The following FAM120A variants were observed in gnomAD, a reference collection of about 807,000 sequenced individuals.
FAM120A encodes the protein family with sequence similarity 120 member A.
FAM120A carries 15 observed loss-of-function variants against 109.7 expected under a neutral mutation model. The ratio of observed to expected loss-of-function variants is 0.14; its 90% CI spans 0.09 to 0.21. FAM120A has a LOEUF of 0.21. FAM120A is among the 10% of genes least tolerant of loss of function. The pLI, the probability that FAM120A is intolerant of heterozygous loss-of-function variation, is 1.00. For missense variants in FAM120A, 899 were observed against 1,439.3 expected (o/e 0.62, Z 6.07); for synonymous variants, 493 against 572.8 (o/e 0.86, Z 1.99).
intron 15 of FAM120A, 90 bp from the exon 16 acceptor site, chr9:93,561,019 A>G: frequency 6.9e-7 from 1 of 1,455,528 alleles, no homozygotes; most frequent in South Asian, 1.2e-5. Flanking sequence ...TATAAACCAA[A>G]ACTGAAAAGA....
Position 93,532,588 on chromosome 9 carries a change from A to G in FAM120A, c.1909+259A>G, listed in dbSNP as rs750416846. On this transcript the variant is annotated intron_variant, in intron 10 of 17. Coordinates refer to ENST00000277165, the MANE Select transcript of FAM120A (RefSeq NM_014612.5). The surrounding 1 kb of genome is among the most constrained non-coding windows in gnomAD (Gnocchi z 4.3). ...TAAAACAGGTTTACACTTTAAAGTG[A>G]ATGTTGATCTGAAAGCAGACTTGAA... 11 of 443,232 alleles carry G rather than the reference A, an allele frequency of 2.5e-5. No homozygotes were observed. Among genetic ancestry groups the G allele is most frequent in the Non-Finnish European group, 4.6e-5 (11 of 241,722 alleles). 27.5% of individuals were successfully genotyped at this position (443,232 alleles called of 1,614,324 possible).
rs1857214848 is a variant in FAM120A at position 93,451,692 on chromosome 9, T to A, written c.-224T>A. ...CTCAGCCTCGGCCTCGGCCTCGGCCTCGCAGCGGCGGCAGCGGCGGCGGCG... is the reference window on the plus strand; with the variant it reads ...CTCAGCCTCGGCCTCGGCCTCGGCCACGCAGCGGCGGCAGCGGCGGCGGCG... On this transcript the variant is annotated 5_prime_UTR_variant, in exon 1 of 18. Transcript: ENST00000277165. 1.0e-6 allele frequency: 1 copy of A among 966,812 alleles called. No homozygotes were observed. The highest frequency in any genetic ancestry group is 4.7e-5 in the South Asian group (1 of 21,262). 59.9% of individuals were successfully genotyped at this position (966,812 alleles called of 1,614,324 possible). A position where few individuals can be genotyped will look rare whatever the true frequency, so the allele number is the denominator to read the frequency against.
chr9:93,452,154 C>T lies in FAM120A; in HGVS notation c.239C>T (p.Ala80Val). ...QWNHMLGYLA[A>V]LAKACFGGNI... ...AACCACATGCTTGGCTACCTGGCGG[C>T]GCTGGCCAAGGCCTGCTTCGGCGGC... Residue 80 changes from alanine to valine, a missense_variant, in exon 1 of 18, where the codon GCG (alanine) becomes GTG (valine). By Grantham distance (64) the Ala-to-Val change is moderately conservative. Around this residue, in one of 11 missense-constraint regions of FAM120A, gnomAD observed 258 missense variants for 451.4 expected, o/e 0.57. Coordinates refer to ENST00000277165, the MANE Select transcript of FAM120A (RefSeq NM_014612.5). This position sits in a 1 kb window ranked among gnomAD's most constrained non-coding sequence, Gnocchi z 7.0. The T allele has an allele frequency of 6.2e-7, 1 of 1,611,888 alleles. No individual in the cohort carries two copies. The highest frequency in any genetic ancestry group is 1.1e-5 in the South Asian group (1 of 91,036).
intron 5 of FAM120A, among the ~76,000 whole-genome samples, chr9:93,504,703 A>T (rs1267758996): frequency 6.6e-6 from 1 of 152,150 alleles, no homozygotes; most frequent in Non-Finnish European, 1.5e-5. Flanking sequence ...TTGATGGAAA[A>T]TGGACTGTTT....
Position 93,452,518 on chromosome 9 carries a change from G to A in FAM120A, c.474+129G>A. 6.4e-7 allele frequency: 1 copy of A among 1,553,460 alleles called. No individual in the cohort carries two copies. The highest frequency in any genetic ancestry group is 8.7e-7 in the Non-Finnish European group (1 of 1,155,020). ...AGCGAGTTCCCCCAGCCCTTGCCCG[G>A]GATAGCCTGGCCGGGCCGGGCTGCA... On this transcript the variant is annotated intron_variant, in intron 1 of 17. Transcript: ENST00000277165. The surrounding 1 kb of genome is among the most constrained non-coding windows in gnomAD (Gnocchi z 7.0).
intron 4 of FAM120A, among the ~76,000 whole-genome samples, chr9:93,497,894 G>A (rs1008821722): frequency 2.0e-5 from 3 of 152,200 alleles, no homozygotes; most frequent in Admixed American, 6.5e-5. Context: ...ATAAGTTCTC[G>A]ATCTTAACTT....
At chr9:93,477,640 AT>A (rs1178384333) in intron 3 of FAM120A, among the ~76,000 whole-genome samples, 1 of 152,216 alleles carries the variant, frequency 6.6e-6, no homozygotes, top group Non-Finnish European at 1.5e-5. Context: ...GTTAAGCATT[AT>A]GCTTTTGTAA....
chr9:93,513,318 G>A (rs1469647684), intron 5 of FAM120A, among the ~76,000 whole-genome samples: 2 of 152,212 alleles, frequency 1.3e-5, no homozygotes, highest in African/African-American at 4.8e-5. Flanking sequence ...CCATGCGTGT[G>A]TGTGCGCCAT....
chr9:93,523,493 A>G (rs904723393), intron 7 of FAM120A: 4 of 341,892 alleles, frequency 1.2e-5, no homozygotes, highest in African/African-American at 6.6e-5. Context: ...CATTTCTAAT[A>G]TCTTCTCATA....
At chr9:93,485,430 T>C (rs1858999820) in intron 3 of FAM120A, among the ~76,000 whole-genome samples, 1 of 151,996 alleles carries the variant, frequency 6.6e-6, no homozygotes, top group Non-Finnish European at 1.5e-5. Flanking sequence ...ACCCTATCTC[T>C]ATAAAAAAAT....
At chr9:93,457,611 G>A (rs1428246923) in intron 1 of FAM120A, among the ~76,000 whole-genome samples, 4 of 152,098 alleles carry the variant, frequency 2.6e-5, no homozygotes, top group South Asian at 2.1e-4. Flanking sequence ...TAGGACCATA[G>A]AGTCAACATT....
intron 1 of FAM120A, among the ~76,000 whole-genome samples, chr9:93,455,852 G>A (rs1434252916): frequency 2.0e-5 from 3 of 152,026 alleles, no homozygotes; most frequent in South Asian, 2.1e-4. Context: ...TAGTAGAGGC[G>A]GGGTTTCACC....
chr9:93,548,345 C>G (rs1362622281), intron 11 of FAM120A, among the ~76,000 whole-genome samples: 1 of 152,056 alleles, frequency 6.6e-6, no homozygotes, highest in Non-Finnish European at 1.5e-5. Flanking sequence ...CTCCTGACCT[C>G]GTGATCCTCC....
intron 3 of FAM120A, among the ~76,000 whole-genome samples, chr9:93,495,857 G>A (rs1859553170): frequency 6.6e-6 from 1 of 152,180 alleles, no homozygotes; most frequent in Non-Finnish European, 1.5e-5. Context: ...TTATTTGATA[G>A]CAGTTTACCC....
At chr9:93,499,732 C>G (rs961667607) in intron 5 of FAM120A, among the ~76,000 whole-genome samples, 13 of 152,102 alleles carry the variant, frequency 8.5e-5, no homozygotes, top group African/African-American at 1.2e-4. Flanking sequence ...AGAAATAGAC[C>G]CCAACTCTCA....
intron 2 of FAM120A, among the ~76,000 whole-genome samples, chr9:93,475,183 C>G (rs1159923124): frequency 6.6e-6 from 1 of 152,162 alleles, no homozygotes; most frequent in Non-Finnish European, 1.5e-5. Context: ...ACCTTATACA[C>G]ATAGTTTAAA....
intron 12 of FAM120A, among the ~76,000 whole-genome samples, chr9:93,554,038 T>C (rs1862195623): frequency 6.6e-6 from 1 of 151,710 alleles, no homozygotes; most frequent in African/African-American, 2.4e-5. Context: ...TAATGCTAAT[T>C]GAACCATTAA....
intron 7 of FAM120A, among the ~76,000 whole-genome samples, chr9:93,519,947 C>T (rs1860772771): frequency 6.6e-6 from 1 of 152,080 alleles, no homozygotes; most frequent in Non-Finnish European, 1.5e-5. Context: ...ACCATCATAA[C>T]TCACTGTAGC....
Position 93,532,162 on chromosome 9 carries a change from T to C in FAM120A, c.1742T>C (p.Ile581Thr). ...GCTTTCTTCCATGCAAAGGGTGAAA[T>C]CAAAATTGCTGTTTCTATTGAAGAT... ...YIFHVLTKGEIKIAVSIEDEA... is the reference protein window; with the variant it reads ...YIFHVLTKGETKIAVSIEDEA... Residue 581 changes from isoleucine (I) to threonine (T), a missense_variant, in exon 10 of 18, where the codon ATC (isoleucine) becomes ACC (threonine). Physicochemically the swap from Ile to Thr is moderately conservative, Grantham distance 89. Around this residue, in one of 11 missense-constraint regions of FAM120A, gnomAD observed 133 missense variants for 276.6 expected, o/e 0.48. Transcript: ENST00000277165. The surrounding 1 kb of genome is among the most constrained non-coding windows in gnomAD (Gnocchi z 4.3). 6.2e-7 allele frequency: 1 copy of C among 1,613,666 alleles called. No homozygotes were observed. The highest frequency in any genetic ancestry group is 8.5e-7 in the Non-Finnish European group (1 of 1,179,774).
Sources: gnomAD v4.1 joint callset for allele counts (sites outside exome capture counted in the v4.1 genomes callset) on GRCh38, gnomAD v4.1.1 for gene constraint, gnomAD v4.1.1 regional missense constraint, Gnocchi (gnomAD v3.1) non-coding constraint, MANE v1.5 for transcripts, NCBI Gene and HGNC (gene_info 2026-07-23, HGNC 2026-07-21) for gene names.